Variants in SRM observed in about 807,000 individuals in gnomAD.
SRM encodes the protein spermidine synthase, also known as putrescine aminopropyltransferase.
In SRM, 14 loss-of-function variants were observed where a neutral mutation model predicts 39.3. The ratio of observed to expected loss-of-function variants is 0.36; its 90% confidence interval spans 0.24 to 0.56. The LOEUF is 0.56. Among genes scored for constraint, SRM ranks in the 20% least tolerant of loss-of-function variants. The pLI is 0.86. For missense variants in SRM, 244 were observed against 409.2 expected (o/e 0.60, Z 3.48); for synonymous variants, 195 against 173.1 (o/e 1.13, Z -0.99).
rs767126224 is a variant in SRM, at chr1:11,056,743, G to A, written c.396C>T (p.Val132=). 1 of 1,614,184 alleles carries A rather than the reference G, an allele frequency of 6.2e-7. No individual in the cohort carries two copies. The highest frequency in any genetic ancestry group is 8.5e-7 in the Non-Finnish European group (1 of 1,180,024). The change falls in exon 4 of 8, where the codon GTC becomes GTT. Residue 132 remains valine (V), a synonymous_variant. Coordinates refer to ENST00000376957, the MANE Select transcript of SRM (RefSeq NM_003132.3). The part of the protein sequence containing the change: ...QCEIDEDVIQ[V]SKKFLPGMAI... ...CCATGCCTGGCAGGAACTTCTTGGAGACTTGGATGACATCCTGGAGGGGAT... is the reference window on the plus strand; with the variant it reads ...CCATGCCTGGCAGGAACTTCTTGGAAACTTGGATGACATCCTGGAGGGGAT...
chr1:11,056,549 G>A (rs1165631232), intron 4 of SRM, 55 bp downstream of exon 4: 21 of 1,604,934 alleles, frequency 1.3e-5, no homozygotes, highest in East Asian at 2.2e-5. Flanking sequence ...CCTGGGGGAG[G>A]CTGACCTCCA....
chr1:11,058,917 A>T (rs754737010), intron 2 of SRM, 25 bp from the exon 3 acceptor site: 138 of 1,586,114 alleles, frequency 8.7e-5, no homozygotes, highest in Non-Finnish European at 1.1e-4. Flanking sequence ...CAGTCAAGGC[A>T]GGGGCCCTGG....
In SRM at chr1:11,055,782, G is replaced by A. The variant is rs1344396075; in HGVS notation, c.764C>T (p.Pro255Leu). The change falls in exon 6 of 8, where the codon CCG (proline) becomes CTG (leucine). Residue 255 changes from proline (P) to leucine (L), a missense_variant and splice_region_variant. Coordinates refer to ENST00000376957, the MANE Select transcript of SRM (RefSeq NM_003132.3). ...QIGFMLCSKN[P>L]STNFQEPVQP... ...CACCCCCAGACACCCCCATCTCACCGGGTTCTTGCTGCACAGCATGAAGCC... is the reference window on the plus strand; with the variant it reads ...CACCCCCAGACACCCCCATCTCACCAGGTTCTTGCTGCACAGCATGAAGCC... 14 of 1,084,672 alleles carry A rather than the reference G, an allele frequency of 1.3e-5. No homozygotes were observed. The South Asian group carries it at 1.4e-4, about 11-fold the overall frequency. The allele number at this position is 1,084,672 out of a possible 1,614,324, so 67.2% of individuals were successfully genotyped here. A position where few individuals can be genotyped will look rare whatever the true frequency, so the allele number is the denominator to read the frequency against.
At position 11,054,799 on chromosome 1, in the gene SRM, G is replaced by A; in HGVS notation, c.*66C>T. On this transcript the variant is annotated 3_prime_UTR_variant, in exon 8 of 8. Coordinates refer to ENST00000376957, the MANE Select transcript of SRM (RefSeq NM_003132.3). The surrounding 1 kb of genome is among the most constrained non-coding windows in gnomAD (Gnocchi z 4.8). ...CAGGAGGTCCGGCCCGGGGCTGGAG[G>A]GGCCGAGGCACCCCGCAGGCTCCAA... The A allele has an allele frequency of 6.5e-7, 1 of 1,533,644 alleles. No individual in the cohort carries two copies. Among genetic ancestry groups the A allele is most frequent in the Non-Finnish European group, 8.8e-7 (1 of 1,140,394 alleles).
chr1:11,055,282 TA>T, intron 6 of SRM, 198 bp from the exon 7 acceptor site: 1 of 691,022 alleles, frequency 1.4e-6, no homozygotes. Context: ...TTTTTTTTTG[TA>T]TTTTGAGTAG....
At position 11,059,784 on chromosome 1, in the gene SRM, A is replaced by T; in HGVS notation, c.160T>A (p.Phe54Ile). 1 of 1,578,000 alleles carries T rather than the reference A, an allele frequency of 6.3e-7. No homozygotes were observed. The highest frequency in any genetic ancestry group is 1.4e-5 in the African/African-American group (1 of 71,752). Residue 54 changes from phenylalanine to isoleucine, a missense_variant, in exon 1 of 8, where the codon TTC (phenylalanine) becomes ATC (isoleucine). Physicochemically the swap from Phe to Ile is conservative, Grantham distance 21. Transcript: ENST00000376957. ...RRSRYQDILVFRSKTYGNVLV... is the reference protein window; with the variant it reads ...RRSRYQDILVIRSKTYGNVLV... ...TGCGGGCAGCGGCGGTACCTGCGGA[A>T]GACGAGGATGTCCTGGTAGCGCGAG...
In SRM at chr1:11,055,851, G is replaced by A; in HGVS notation, c.695C>T (p.Ala232Val). Residue 232 changes from alanine (A) to valine (V), a missense_variant, in exon 6 of 8, where the codon GCC becomes GTC. By Grantham distance (64) the Ala-to-Val change is moderately conservative. Transcript: ENST00000376957. The stretch of plus-strand genomic sequence containing the variant: ...GGTGGGGATGGTGCAGTAGGCATAG[G>A]CCACCACGGGGAACAGGGACTGGCA... ...QFCQSLFPVV[A>V]YAYCTIPTYP... The A allele has an allele frequency of 6.2e-7, 1 of 1,612,928 alleles. No homozygotes were observed. The highest frequency in any genetic ancestry group is 8.5e-7 in the Non-Finnish European group (1 of 1,179,618).
At chr1:11,059,003 C>G (rs1432599430) in intron 2 of SRM, 111 bp from the exon 3 acceptor site, 1 of 1,302,608 alleles carries the variant, frequency 7.7e-7, no homozygotes, top group Non-Finnish European at 1.1e-6. Context: ...TTTTTCTACC[C>G]TCGGAAACGC....
In SRM at chr1:11,059,352, G is replaced by T; in HGVS notation, c.168-7C>A. 2 of 1,612,740 alleles carry T rather than the reference G, an allele frequency of 1.2e-6. No homozygotes were observed. The highest frequency in any genetic ancestry group is 1.7e-6 in the Non-Finnish European group (2 of 1,179,218). ...CACGTTGCCATAGGTCTTACTGCGG[G>T]CGGAGTGACAGTCGGGGACCTGGGT... On this transcript the variant is annotated splice_polypyrimidine_tract_variant and splice_region_variant and intron_variant, in intron 1 of 7. Coordinates refer to ENST00000376957, the MANE Select transcript of SRM (RefSeq NM_003132.3).
At chr1:11,055,694 T>G (rs1010112294) in intron 6 of SRM, 87 bp downstream of exon 6, 42 of 1,400,448 alleles carry the variant, frequency 3.0e-5, no homozygotes, top group Non-Finnish European at 3.5e-5. Flanking sequence ...GGATTACAGG[T>G]GTGAGCCACC....
At chr1:11,055,437 C>T (rs1335912591) in intron 6 of SRM, among the ~76,000 whole-genome samples, 31 of 142,074 alleles carry the variant, frequency 2.2e-4, no homozygotes, top group Admixed American at 1.1e-3. Context: ...TTTTTTGAGT[C>T]GGAATCTTCC....
chr1:11,057,424 G>A (rs961531990), intron 3 of SRM, among the ~76,000 whole-genome samples: 2 of 148,394 alleles, frequency 1.3e-5, no homozygotes, highest in Admixed American at 1.3e-4. Context: ...CTCCCGAGTA[G>A]TTGGGATTAC....
chr1:11,055,192 A>C (rs1570765675), intron 6 of SRM, 108 bp from the exon 7 acceptor site: 16 of 1,410,656 alleles, frequency 1.1e-5, no homozygotes, highest in Non-Finnish European at 1.4e-5. Context: ...ATCTCAGCTC[A>C]CTGCAACCTC....
chr1:11,054,645 C>T lies in SRM; in HGVS notation c.*220G>A, dbSNP rs950642423. 3.9e-5 allele frequency: 24 copies of T among 619,126 alleles called. No individual in the cohort carries two copies. Among genetic ancestry groups the T allele is most frequent in the East Asian group, 3.5e-4 (12 of 34,606 alleles). 38.4% of individuals were successfully genotyped at this position (619,126 alleles called of 1,614,324 possible). A position where few individuals can be genotyped will look rare whatever the true frequency, so the allele number is the denominator to read the frequency against. On this transcript the variant is annotated 3_prime_UTR_variant, in exon 8 of 8. Coordinates refer to ENST00000376957, the MANE Select transcript of SRM (RefSeq NM_003132.3). This position sits in a 1 kb window ranked among gnomAD's most constrained non-coding sequence, Gnocchi z 4.8. The stretch of plus-strand genomic sequence containing the variant: ...GGGGCAACAGAAGGCAGAGAGATGG[C>T]GCTGTACACAGCTGGTATAGGCTTG...
chr1:11,057,028 A>G (rs1042606065), intron 3 of SRM, among the ~76,000 whole-genome samples: 6 of 151,800 alleles, frequency 4.0e-5, no homozygotes, highest in African/African-American at 1.5e-4. Context: ...AGTGTGTTCA[A>G]TCATACTTGG....
chr1:11,056,378 G>T (rs564088986), intron 4 of SRM, among the ~76,000 whole-genome samples: 1 of 152,338 alleles, frequency 6.6e-6, no homozygotes, highest in East Asian at 1.9e-4. Flanking sequence ...CCCAATGCCA[G>T]ATCCCCACTC....
At chr1:11,058,733 C>T (rs763482284) in intron 3 of SRM, 67 bp downstream of exon 3, 3 of 1,407,242 alleles carry the variant, frequency 2.1e-6, no homozygotes, top group Non-Finnish European at 1.9e-6. Flanking sequence ...GGGTGTGCAG[C>T]CATTTCAGGG....
chr1:11,054,672 A>C lies in SRM; in HGVS notation c.*193T>G. The C allele has an allele frequency of 2.7e-6, 2 of 753,130 alleles. No homozygotes were observed. Among genetic ancestry groups the C allele is most frequent in the South Asian group, 3.8e-5 (2 of 52,728 alleles). 46.7% of individuals were successfully genotyped at this position (753,130 alleles called of 1,614,324 possible). On this transcript the variant is annotated 3_prime_UTR_variant, in exon 8 of 8. Transcript: ENST00000376957. This position sits in a 1 kb window ranked among gnomAD's most constrained non-coding sequence, Gnocchi z 4.8. ...CTGTACACAGCTGGTATAGGCTTGG[A>C]GGTGGAACGCCAGAGAGACAGACAC... is the stretch of plus-strand genomic sequence containing the variant.
chr1:11,055,209 C>T, intron 6 of SRM, 125 bp from the exon 7 acceptor site: 2 of 1,366,118 alleles, frequency 1.5e-6, no homozygotes, highest in Non-Finnish European at 1.9e-6. Context: ...CCTCTGTCTC[C>T]CAGGTTCAAG....
Sources: allele counts gnomAD v4.1 joint callset (sites outside exome capture counted in the v4.1 genomes callset), GRCh38; gene constraint gnomAD v4.1.1; non-coding constraint Gnocchi (gnomAD v3.1); transcripts MANE v1.5; gene names NCBI Gene and HGNC (gene_info 2026-07-23, HGNC 2026-07-21).